GRHL1: variants seen among roughly 807,000 people sequenced by gnomAD.
The protein encoded by GRHL1 is grainyhead-like protein 1 homolog.
Under a neutral mutation model 75.7 loss-of-function variants are expected in GRHL1, and 38 were observed. That is an observed-to-expected ratio of 0.50 (90% CI 0.39 to 0.66). GRHL1 has a LOEUF of 0.66. Among genes scored for constraint, GRHL1 ranks in the 30% least tolerant of loss-of-function variants. GRHL1 has a pLI of 0.00. For synonymous variants in GRHL1, 266 were observed against 279.4 expected (o/e 0.95, Z 0.48); for missense variants, 589 against 767.5 (o/e 0.77, Z 2.75).
intron 8 of GRHL1, among the ~76,000 whole-genome samples, chr2:9,977,678 A>G (rs1450485910): frequency 2.0e-5 from 3 of 152,222 alleles, no homozygotes; most frequent in Non-Finnish European, 4.4e-5. Flanking sequence ...TAGGGAACTT[A>G]CTAACTGCAG....
In GRHL1 at chr2:9,961,409, A is replaced by G. The variant is rs1229755809; in HGVS notation, c.642A>G (p.Ser214=). The change falls in exon 4 of 16, where the codon TCA becomes TCG. Residue 214 remains serine, a synonymous_variant. Transcript: ENST00000324907. ...AQRRTPDSTF[S]ETFKEGVQEV... The stretch of plus-strand genomic sequence containing the variant: ...GGCGAACTCCAGACTCGACCTTCTC[A>G]GAGACCTTCAAGGAAGGCGTTCAGG... 6.2e-7 allele frequency: 1 copy of G among 1,611,492 alleles called. No individual in the cohort carries two copies. The highest frequency in any genetic ancestry group is 1.7e-4 in the Middle Eastern group (1 of 6,056).
intron 6 of GRHL1, 57 bp downstream of exon 6, chr2:9,964,099 C>T: frequency 6.5e-7 from 1 of 1,533,866 alleles, no homozygotes; most frequent in South Asian, 1.2e-5. Context: ...CTAACATTTC[C>T]AGGTCTGAAG....
chr2:9,990,020 G>A lies in GRHL1; in HGVS notation c.1270-676G>A, dbSNP rs900311219. Among the ~76,000 whole-genome samples, 5 of 152,038 alleles carry A rather than the reference G, an allele frequency of 3.3e-5. No individual in the cohort carries two copies. The highest frequency in any genetic ancestry group is 2.0e-4 in the Admixed American group (3 of 15,256). On this transcript the variant is annotated intron_variant, in intron 9 of 15. Transcript: ENST00000324907. The surrounding 1 kb of genome is among the most constrained non-coding windows in gnomAD (Gnocchi z 4.2). The stretch of plus-strand genomic sequence containing the variant: ...GTATACTCAAGAGTAGGGCCAACTT[G>A]GGTTTTTTCTTTCATTTCCTTTTCC...
At chr2:9,975,482 T>G (rs1032749147) in intron 8 of GRHL1, among the ~76,000 whole-genome samples, 7 of 152,180 alleles carry the variant, frequency 4.6e-5, no homozygotes, top group African/African-American at 1.7e-4. Flanking sequence ...ATAGTCAACT[T>G]AAGTATTCAG....
chr2:9,986,049 T>G (rs528942386), intron 8 of GRHL1, 75 bp from the exon 9 acceptor site: 4 of 929,570 alleles, frequency 4.3e-6, no homozygotes, highest in East Asian at 2.8e-5. Context: ...ATTTCAGTGA[T>G]GTTAATATTT....
rs753071700 is a variant in GRHL1 at position 9,963,988 on chromosome 2, C to T, written c.849C>T (p.Thr283=). The T allele has an allele frequency of 6.2e-7, 1 of 1,613,806 alleles. No individual in the cohort carries two copies. Among genetic ancestry groups the T allele is most frequent in the Admixed American group, 1.7e-5 (1 of 60,012 alleles). The part of the protein sequence containing the change: ...YLNKGQFYPI[T]LKEVSSSEGI... ...ACAAAGGCCAGTTCTATCCCATCAC[C>T]TTGAAGGAGGTGAGCAGCAGTGAAG... The change falls in exon 6 of 16, where the codon ACC becomes ACT. Residue 283 remains threonine (T), a synonymous_variant. Coordinates refer to ENST00000324907, the MANE Select transcript of GRHL1 (RefSeq NM_198182.3).
At chr2:9,995,599 A>ACAACCAAAGC (rs371765803) in intron 12 of GRHL1, among the ~76,000 whole-genome samples, 1 of 150,904 alleles carries the variant, frequency 6.6e-6, no homozygotes, top group Non-Finnish European at 1.5e-5. Flanking sequence ...AAAAAAAAAA[A>ACAACCAAAGC]AACCAAAGCG....
intron 12 of GRHL1, among the ~76,000 whole-genome samples, chr2:9,994,488 A>C (rs73913938): frequency 0.23 from 34,174 of 151,832 alleles, 4,223 homozygotes; most frequent in African/African-American, 0.34. Context: ...CTCTTCCCTC[A>C]TCTTCCATCC....
At chr2:9,977,215 A>T (rs1192719949) in intron 8 of GRHL1, among the ~76,000 whole-genome samples, 1 of 152,230 alleles carries the variant, frequency 6.6e-6, no homozygotes, top group Non-Finnish European at 1.5e-5. Flanking sequence ...ACTTGTTGAA[A>T]TAAGATTTGG....
intron 2 of GRHL1, among the ~76,000 whole-genome samples, chr2:9,957,002 C>CTTTT (rs764835142): frequency 8.8e-6 from 1 of 113,848 alleles, no homozygotes; most frequent in African/African-American, 3.2e-5. Context: ...TCTTCTTCTT[C>CTTTT]TTTTTTTTTT....
At position 9,951,869 on chromosome 2, in the gene GRHL1, G is replaced by T; in HGVS notation, c.20+16G>T. The T allele has an allele frequency of 6.8e-7, 1 of 1,461,798 alleles. No homozygotes were observed. Among genetic ancestry groups the T allele is most frequent in the Non-Finnish European group, 9.1e-7 (1 of 1,096,776 alleles). 90.6% of individuals were successfully genotyped at this position (1,461,798 alleles called of 1,614,324 possible). On this transcript the variant is annotated intron_variant, in intron 1 of 15. Coordinates refer to ENST00000324907, the MANE Select transcript of GRHL1 (RefSeq NM_198182.3). This position sits in a 1 kb window ranked among gnomAD's most constrained non-coding sequence, Gnocchi z 4.2. ...AGTACGACAAGTGAGTGAGGCGCAGGAGTCCGGCCGCCGCGGGGGGGCCGC... is the reference window on the plus strand; with the variant it reads ...AGTACGACAAGTGAGTGAGGCGCAGTAGTCCGGCCGCCGCGGGGGGGCCGC...
chr2:9,960,950 T>G, intron 3 of GRHL1, 96 bp from the exon 4 acceptor site: 2 of 867,948 alleles, frequency 2.3e-6, no homozygotes, highest in Non-Finnish European at 3.5e-6. Flanking sequence ...CAAGTGTTAT[T>G]GCACAGGACC....
Position 9,996,358 on chromosome 2 carries a change from C to G in GRHL1, c.1634C>G (p.Ala545Gly), listed in dbSNP as rs753635182. The change falls in exon 14 of 16, where the codon GCC becomes GGC. Residue 545 changes from alanine to glycine, a missense_variant. Around this residue, in one of 5 missense-constraint regions of GRHL1, gnomAD observed 192 missense variants for 226.6 expected, o/e 0.85. Transcript: ENST00000324907. ...VRKESEEVFD[A>G]LMLKTPSLKG... The stretch of plus-strand genomic sequence containing the variant: ...AAGGAGTCAGAAGAAGTCTTTGATG[C>G]CCTGATGCTCAAAACCCCATCTTTG... 1 of 1,612,818 alleles carries G rather than the reference C, an allele frequency of 6.2e-7. No homozygotes were observed. The highest frequency in any genetic ancestry group is 8.5e-7 in the Non-Finnish European group (1 of 1,178,822).
At chr2:9,996,545 C>A in intron 14 of GRHL1, 144 bp downstream of exon 14, 1 of 647,552 alleles carries the variant, frequency 1.5e-6, no homozygotes. Flanking sequence ...GTCGTGCGTC[C>A]CACATTTTAT....
In GRHL1 at chr2:9,951,773, C is replaced by G; in HGVS notation, c.-61C>G. 4 of 1,472,056 alleles carry G rather than the reference C, an allele frequency of 2.7e-6. No homozygotes were observed. The highest frequency in any genetic ancestry group is 1.8e-6 in the Non-Finnish European group (2 of 1,100,656). The allele number at this position is 1,472,056 out of a possible 1,614,324, so 91.2% of individuals were successfully genotyped here. Reference sequence around the variant, plus strand: ...CCGCCGCCGCCTCCTCCCCCCGGATCGGGTGTACTGTCCCAACCCGAAAGT... The same window carrying G: ...CCGCCGCCGCCTCCTCCCCCCGGATGGGGTGTACTGTCCCAACCCGAAAGT... On this transcript the variant is annotated 5_prime_UTR_variant, in exon 1 of 16. It adds an upstream start codon to the 5' untranslated region. Transcript: ENST00000324907. This position sits in a 1 kb window ranked among gnomAD's most constrained non-coding sequence, Gnocchi z 4.2.
At chr2:9,953,295 C>A (rs1350308351) in intron 1 of GRHL1, among the ~76,000 whole-genome samples, 1 of 152,238 alleles carries the variant, frequency 6.6e-6, no homozygotes, top group Non-Finnish European at 1.5e-5. Context: ...TCATAGTCTT[C>A]TGGAAGTAGC....
At chr2:9,961,884 C>A (rs927383816) in intron 4 of GRHL1, among the ~76,000 whole-genome samples, 9 of 152,084 alleles carry the variant, frequency 5.9e-5, no homozygotes, top group Non-Finnish European at 1.2e-4. Flanking sequence ...GTGAGGTTTA[C>A]AAATTAATTC....
rs1456726928 is a variant in GRHL1, at chr2:9,998,447, T to TGTGTGTATATATATACGTATATATAC, written c.1678-516_1678-515insGTGTATATATATACGTATATATACGT. Among the ~76,000 whole-genome samples the TGTGTGTATATATATACGTATATATAC allele has an allele frequency of 5.9e-5, 3 of 50,918 alleles. 1 individual carries two copies. The highest frequency in any genetic ancestry group is 1.5e-4 in the African/African-American group (2 of 13,356). The allele number at this position is 50,918 out of a possible 152,430, so 33.4% of individuals were successfully genotyped here. A position where few individuals can be genotyped will look rare whatever the true frequency, so the allele number is the denominator to read the frequency against. ...GCATGTGTGTGTGTGTGTGTGTGTG[T>TGTGTGTATATATATACGTATATATAC]GTATATATATACATATATATACGTA... is the stretch of plus-strand genomic sequence containing the variant. On this transcript the variant is annotated intron_variant, in intron 14 of 15. Coordinates refer to ENST00000324907, the MANE Select transcript of GRHL1 (RefSeq NM_198182.3).
chr2:9,978,668 C>A (rs557171164), intron 8 of GRHL1, among the ~76,000 whole-genome samples: 2 of 152,302 alleles, frequency 1.3e-5, no homozygotes, highest in East Asian at 3.9e-4. Flanking sequence ...TATGAACTTA[C>A]TCTATTTTAG....
Sources: allele counts gnomAD v4.1 joint callset (sites outside exome capture counted in the v4.1 genomes callset), GRCh38; gene constraint gnomAD v4.1.1; regional missense constraint gnomAD v4.1.1; non-coding constraint Gnocchi (gnomAD v3.1); transcripts MANE v1.5; gene names NCBI Gene and HGNC (gene_info 2026-07-23, HGNC 2026-07-21).